CCSER1: variants seen among roughly 807,000 people sequenced by gnomAD.
The protein encoded by CCSER1 is serine-rich coiled-coil domain-containing protein 1.
CCSER1 carries 41 observed loss-of-function variants against 82.0 expected under a neutral mutation model. The observed-to-expected ratio is 0.50, with a 90% CI of 0.39 to 0.65. The LOEUF is 0.65. Among genes scored for constraint, CCSER1 ranks in the 30% least tolerant of loss-of-function variants. The probability of loss-of-function intolerance (pLI) is 0.00; values close to 1 mark genes in which losing one functional copy is unlikely to be tolerated. For missense variants in CCSER1, 1,119 were observed against 1,064.2 expected (o/e 1.05, Z -0.72); for synonymous variants, 414 against 383.9 (o/e 1.08, Z -0.92).
rs769873979 is a variant in CCSER1, at chr4:91,518,883, T to C, written c.2218-79689T>C. On this transcript the variant is annotated intron_variant, in intron 10 of 10. Coordinates refer to ENST00000509176, the MANE Select transcript of CCSER1 (RefSeq NM_001145065.2). ...TGTGGTCCTGAACCAGGGGCCCAGA[T>C]TGGTGAAGAGTGGGGGTTAGGCTTT... Among the ~76,000 whole-genome samples the C allele has an allele frequency of 2.0e-4, 31 of 152,224 alleles. No homozygotes were observed. In the East Asian group the frequency reaches 2.1e-3, roughly 10 times the overall value.
chr4:90,500,018 A>G (rs953529438), intron 5 of CCSER1, among the ~76,000 whole-genome samples: 14 of 152,218 alleles, frequency 9.2e-5, no homozygotes, highest in African/African-American at 3.1e-4. Context: ...AAAGTACTGC[A>G]TCTAATGTTC....
intron 10 of CCSER1, among the ~76,000 whole-genome samples, chr4:91,233,114 G>T (rs1018277456): frequency 2.0e-5 from 3 of 151,490 alleles, no homozygotes; most frequent in Non-Finnish European, 4.4e-5. Context: ...TTTTATGAAA[G>T]AGAAAGAGAG....
chr4:90,732,097 C>A (rs1744867300), intron 7 of CCSER1, among the ~76,000 whole-genome samples: 1 of 149,728 alleles, frequency 6.7e-6, no homozygotes, highest in South Asian at 2.1e-4. Context: ...CTCTTTCTCT[C>A]CTCAGCCTCT....
intron 1 of CCSER1, among the ~76,000 whole-genome samples, chr4:90,129,134 A>C (rs1261650600): frequency 6.6e-6 from 1 of 151,754 alleles, no homozygotes; most frequent in Non-Finnish European, 1.5e-5. Context: ...TGTAACACAC[A>C]TCCTCCCTTC....
intron 10 of CCSER1, among the ~76,000 whole-genome samples, chr4:91,488,402 T>C (rs1004702782): frequency 1.3e-5 from 2 of 152,204 alleles, no homozygotes; most frequent in African/African-American, 4.8e-5. Context: ...ACTGAGAAAC[T>C]ACCATGTGTC....
intron 8 of CCSER1, among the ~76,000 whole-genome samples, chr4:90,879,699 G>GAGGAAGA (rs1721003203): frequency 1.3e-5 from 2 of 151,990 alleles, no homozygotes; most frequent in African/African-American, 4.8e-5. Context: ...GGAAGAAGAA[G>GAGGAAGA]AGGAAGAAAG....
chr4:90,277,232 C>G lies in CCSER1; in HGVS notation c.-41-31012C>G, dbSNP rs115972754. Among the ~76,000 whole-genome samples, 950 of 152,250 alleles carry G rather than the reference C, an allele frequency of 6.2e-3. 8 individuals carry two copies. The highest frequency in any genetic ancestry group is 0.022 in the African/African-American group (923 of 41,560). On this transcript the variant is annotated intron_variant, in intron 1 of 10. Transcript: ENST00000509176. ...AATTAATATAGTTAAAATGGTCATACTGCCCAGAGCAATTTATGGACTTAA... is the reference window on the plus strand; with the variant it reads ...AATTAATATAGTTAAAATGGTCATAGTGCCCAGAGCAATTTATGGACTTAA...
At chr4:90,317,326 A>C (rs1736341537) in intron 3 of CCSER1, among the ~76,000 whole-genome samples, 1 of 152,224 alleles carries the variant, frequency 6.6e-6, no homozygotes, top group South Asian at 2.1e-4. Flanking sequence ...GTGATAAAAA[A>C]TACCGCTGGG....
rs1725978477 is a variant in CCSER1, at chr4:90,147,210, C to T, written c.-42+19379C>T. 2.6e-5 allele frequency among the ~76,000 whole-genome samples: 4 copies of T among 151,894 alleles called. No individual in the cohort carries two copies. In the South Asian group the frequency reaches 6.2e-4, roughly 24 times the overall value. On this transcript the variant is annotated intron_variant, in intron 1 of 10. Coordinates refer to ENST00000509176, the MANE Select transcript of CCSER1 (RefSeq NM_001145065.2). ...TTACTGTGTCTTTCTGTGTGTAAGACACTTTAAATTTCTCAAATTTAATGA... is the reference window on the plus strand; with the variant it reads ...TTACTGTGTCTTTCTGTGTGTAAGATACTTTAAATTTCTCAAATTTAATGA...
intron 10 of CCSER1, among the ~76,000 whole-genome samples, chr4:91,126,740 G>C (rs1281710838): frequency 6.6e-6 from 1 of 151,920 alleles, no homozygotes; most frequent in Non-Finnish European, 1.5e-5. Context: ...GTCAATTGAG[G>C]TAAGAGCAAC....
chr4:90,478,120 C>T (rs898423093), intron 5 of CCSER1, among the ~76,000 whole-genome samples: 2 of 152,050 alleles, frequency 1.3e-5, no homozygotes, highest in Non-Finnish European at 2.9e-5. Context: ...TCTGGGAATG[C>T]CTGTTGTAAA....
At chr4:91,496,769 T>TA (rs70937008) in intron 10 of CCSER1, among the ~76,000 whole-genome samples, 5,468 of 22,434 alleles carry the variant, frequency 0.24, 2,345 homozygotes, top group Non-Finnish European at 0.47. Flanking sequence ...ATATATTCAA[T>TA]ATATATTGAA....
intron 5 of CCSER1, among the ~76,000 whole-genome samples, chr4:90,619,183 C>T (rs1183225406): frequency 6.6e-6 from 1 of 151,858 alleles, no homozygotes; most frequent in African/African-American, 2.4e-5. Flanking sequence ...ATTTTGAAAG[C>T]TCTTCAGTAT....
Position 91,038,775 on chromosome 4 carries a change from A to G in CCSER1, c.2173-47175A>G, listed in dbSNP as rs1741670324. On this transcript the variant is annotated intron_variant, in intron 9 of 10. Coordinates refer to ENST00000509176, the MANE Select transcript of CCSER1 (RefSeq NM_001145065.2). ...AAATTCTATGTTCTTCACTCAAATC[A>G]TGATATGAAATGAAAATGTAGATGA... is the stretch of plus-strand genomic sequence containing the variant. Among the ~76,000 whole-genome samples, 3 of 152,260 alleles carry G rather than the reference A, an allele frequency of 2.0e-5. No individual in the cohort carries two copies. The South Asian group carries it at 6.2e-4, about 32-fold the overall frequency.
Position 90,308,355 on chromosome 4 carries a change from G to T in CCSER1, c.71G>T (p.Arg24Ile). Reference sequence around the variant, plus strand: ...CCAATATTCAGAAGAAGTATTAACAGAAGACATGATTCTCTTCCTTCTTCA... The same window carrying T: ...CCAATATTCAGAAGAAGTATTAACATAAGACATGATTCTCTTCCTTCTTCA... ...RLPIFRRSIN[R>I]RHDSLPSSPS... is the part of the protein sequence containing the mutation. The change falls in exon 2 of 11, where the codon AGA (arginine) becomes ATA (isoleucine). Residue 24 changes from arginine to isoleucine, a missense_variant. Transcript: ENST00000509176. The T allele has an allele frequency of 6.2e-7, 1 of 1,613,116 alleles. No homozygotes were observed. The highest frequency in any genetic ancestry group is 1.1e-5 in the South Asian group (1 of 90,982).
Position 91,302,133 on chromosome 4 carries a change from T to G in CCSER1, c.2217+216139T>G, listed in dbSNP as rs192475496. On this transcript the variant is annotated intron_variant, in intron 10 of 10. Coordinates refer to ENST00000509176, the MANE Select transcript of CCSER1 (RefSeq NM_001145065.2). The stretch of plus-strand genomic sequence containing the variant: ...CCAGTACTGACCTCTTCCCAAACTC[T>G]AGGCATATATTGAACTGCCACACTG... 2.5e-3 allele frequency among the ~76,000 whole-genome samples: 374 copies of G among 152,144 alleles called. 1 individual carries two copies. Among genetic ancestry groups the G allele is most frequent in the Middle Eastern group, 0.01 (3 of 294 alleles).
At chr4:90,260,218 T>C (rs1185324220) in intron 1 of CCSER1, among the ~76,000 whole-genome samples, 1 of 152,208 alleles carries the variant, frequency 6.6e-6, no homozygotes, top group Non-Finnish European at 1.5e-5. Flanking sequence ...TAAGAATTTA[T>C]CCATTTCCTC....
chr4:91,060,098 T>G (rs1441614303), intron 9 of CCSER1, among the ~76,000 whole-genome samples: 17 of 152,090 alleles, frequency 1.1e-4, no homozygotes, highest in Admixed American at 9.8e-4. Flanking sequence ...GAGAATTTAC[T>G]AACATTTGTT....
intron 1 of CCSER1, among the ~76,000 whole-genome samples, chr4:90,136,734 C>T (rs957618756): frequency 2.0e-5 from 3 of 152,078 alleles, no homozygotes; most frequent in African/African-American, 7.2e-5. Context: ...ATAGAAAGGA[C>T]CAAAACGTTA....
Sources: allele counts gnomAD v4.1 joint callset (sites outside exome capture counted in the v4.1 genomes callset), GRCh38; gene constraint gnomAD v4.1.1; transcripts MANE v1.5; gene names NCBI Gene and HGNC (gene_info 2026-07-23, HGNC 2026-07-21).